Variants in RTTN observed in about 807,000 individuals in gnomAD.
The protein encoded by RTTN is rotatin.
In RTTN, 182 loss-of-function variants were observed where a neutral mutation model predicts 269.2. The observed-to-expected ratio is 0.68, with a 90% CI of 0.60 to 0.76. The LOEUF (loss-of-function observed/expected upper bound fraction) is 0.76, where lower values mean the gene tolerates loss of function less well. Ranked by LOEUF, RTTN falls within the 30% of genes least tolerant of loss-of-function variation. RTTN has a pLI of 0.00. For missense variants in RTTN, 2,545 were observed against 2,608.6 expected (o/e 0.98, Z 0.53); for synonymous variants, 1,006 against 963.5 (o/e 1.04, Z -0.82).
intron 25 of RTTN, among the ~76,000 whole-genome samples, chr18:70,125,548 A>AT (rs1307020278): frequency 2.6e-5 from 4 of 152,048 alleles, no homozygotes; most frequent in Non-Finnish European, 4.4e-5. Context: ...AAATAACATT[A>AT]TTTTTAAAAT....
intron 32 of RTTN, among the ~76,000 whole-genome samples, chr18:70,076,669 G>A (rs957402750): frequency 1.3e-5 from 2 of 151,846 alleles, no homozygotes; most frequent in Non-Finnish European, 2.9e-5. Flanking sequence ...GAGCTTACTC[G>A]TCCTAAACAG....
chr18:70,055,056 T>C (rs1350445246), intron 37 of RTTN, among the ~76,000 whole-genome samples: 1 of 152,200 alleles, frequency 6.6e-6, no homozygotes, highest in African/African-American at 2.4e-5. Context: ...TTACTATTAT[T>C]AATTATAAAA....
chr18:70,140,797 G>C (rs2060236901), intron 19 of RTTN, among the ~76,000 whole-genome samples: 1 of 152,038 alleles, frequency 6.6e-6, no homozygotes, highest in African/African-American at 2.4e-5. Context: ...TATATGTATA[G>C]ACATGTGCAC....
At chr18:70,066,048 A>T in intron 34 of RTTN, 126 bp from the exon 35 acceptor site, 1 of 500,844 alleles carries the variant, frequency 2.0e-6, no homozygotes, top group Non-Finnish European at 3.4e-6. Flanking sequence ...TAGGATAACT[A>T]GAAAAGATTC....
Position 70,193,289 on chromosome 18 carries a change from T to G in RTTN, c.1006A>C (p.Ser336Arg). 1 of 1,609,666 alleles carries G rather than the reference T, an allele frequency of 6.2e-7. No individual in the cohort carries two copies. Among genetic ancestry groups the G allele is most frequent in the Non-Finnish European group, 8.5e-7 (1 of 1,177,846 alleles). ...CCCAGAGACACTGCTAGCAGTCACCTAGAGGACGCTGCATCCCAGTCCTGG... is the reference window on the plus strand; with the variant it reads ...CCCAGAGACACTGCTAGCAGTCACCGAGAGGACGCTGCATCCCAGTCCTGG... The part of the protein sequence containing the change: ...DGQDWDAASS[S>R]GSSSHAHVNS... The change falls in exon 8 of 49, where the codon AGT (serine) becomes CGT (arginine). Residue 336 changes from serine (S) to arginine (R), a missense_variant and splice_region_variant. Transcript: ENST00000640769.
At chr18:70,104,830 A>C (rs1238828990) in intron 28 of RTTN, among the ~76,000 whole-genome samples, 2 of 150,324 alleles carry the variant, frequency 1.3e-5, no homozygotes, top group Admixed American at 1.3e-4. Flanking sequence ...AGAACAGCAA[A>C]TGTTGCTGCC....
chr18:70,020,441 G>A (rs1398170807), intron 45 of RTTN, among the ~76,000 whole-genome samples, 174 bp downstream of exon 45: 2 of 152,170 alleles, frequency 1.3e-5, no homozygotes, highest in East Asian at 1.9e-4. Flanking sequence ...CCTTCTGCAC[G>A]TGTCATCTAT....
At chr18:70,061,510 G>A in intron 35 of RTTN, 1 of 435,102 alleles carries the variant, frequency 2.3e-6, no homozygotes, top group Admixed American at 2.5e-5. Flanking sequence ...ATATACGTAT[G>A]CATGCACATA....
chr18:70,109,585 G>A lies in RTTN; in HGVS notation c.3816C>T (p.Asn1272=). The A allele has an allele frequency of 6.2e-7, 1 of 1,614,050 alleles. No homozygotes were observed. The highest frequency in any genetic ancestry group is 8.5e-7 in the Non-Finnish European group (1 of 1,180,010). The change falls in exon 28 of 49, where the codon AAC becomes AAT. Residue 1272 remains asparagine (N), a synonymous_variant. Coordinates refer to ENST00000640769, the MANE Select transcript of RTTN (RefSeq NM_173630.4). ...SLERTLRGMA[N]LTAFPGWSSH... ...AGCTCCATCCCGGAAACGCAGTGAG[G>A]TTAGCCATCCCTCGTAAGGTCCGCT...
intron 14 of RTTN, among the ~76,000 whole-genome samples, chr18:70,154,580 C>T (rs1293608739): frequency 6.6e-6 from 1 of 152,130 alleles, no homozygotes; most frequent in Non-Finnish European, 1.5e-5. Context: ...CCTCTAAAAT[C>T]ATAAATGTAG....
At chr18:70,204,341 A>G in intron 2 of RTTN, 78 bp from the exon 3 acceptor site, 1 of 1,357,294 alleles carries the variant, frequency 7.4e-7, no homozygotes, top group Non-Finnish European at 1.0e-6. Flanking sequence ...ACATAAAATT[A>G]TTTTTGGTAT....
chr18:70,093,832 G>C (rs182906071), intron 28 of RTTN, among the ~76,000 whole-genome samples: 1,759 of 151,556 alleles, frequency 0.012, 17 homozygotes, highest in Non-Finnish European at 0.019. Context: ...AGTTACGGAG[G>C]ATTCCCTCTT....
At chr18:70,050,272 C>T (rs1207141217) in intron 39 of RTTN, among the ~76,000 whole-genome samples, 1 of 152,106 alleles carries the variant, frequency 6.6e-6, no homozygotes, top group Non-Finnish European at 1.5e-5. Context: ...AGGATACGAA[C>T]AGACACTTCT....
chr18:70,188,400 T>C (rs1196649559), intron 9 of RTTN, among the ~76,000 whole-genome samples, 177 bp from the exon 10 acceptor site: 2 of 152,242 alleles, frequency 1.3e-5, no homozygotes, highest in East Asian at 3.8e-4. Flanking sequence ...AAGGCTTCTG[T>C]TCCAGTCACA....
chr18:70,107,902 T>C (rs986292072), intron 28 of RTTN, among the ~76,000 whole-genome samples: 3 of 152,326 alleles, frequency 2.0e-5, no homozygotes, highest in Admixed American at 2.0e-4. Flanking sequence ...GATAAAAAGT[T>C]TTTAAGTTCT....
intron 40 of RTTN, among the ~76,000 whole-genome samples, chr18:70,037,620 T>C (rs973478131): frequency 6.6e-6 from 1 of 152,198 alleles, no homozygotes; most frequent in African/African-American, 2.4e-5. Flanking sequence ...AATATCCAGA[T>C]AGTACACCAC....
chr18:70,169,888 G>A (rs1456005637), intron 11 of RTTN, among the ~76,000 whole-genome samples: 2 of 152,160 alleles, frequency 1.3e-5, no homozygotes, highest in Non-Finnish European at 2.9e-5. Context: ...ACAAAAGTGG[G>A]TTTGGTCATG....
chr18:70,062,180 T>G (rs2058006975), intron 35 of RTTN, among the ~76,000 whole-genome samples: 1 of 152,228 alleles, frequency 6.6e-6, no homozygotes, highest in Non-Finnish European at 1.5e-5. Context: ...TTCAATGCTA[T>G]TCATGTGAAA....
Position 70,059,837 on chromosome 18 carries a change from AT to A in RTTN, c.4940+12del. Reference sequence around the variant, plus strand: ...TCAACTAACATGCCTCTCTAGGAGTATTTATCTCTTACCTACAGAGAAGTTC... The same window carrying A: ...TCAACTAACATGCCTCTCTAGGAGTATTATCTCTTACCTACAGAGAAGTTC... On this transcript the variant is annotated intron_variant, in intron 36 of 48. Transcript: ENST00000640769. The A allele has an allele frequency of 1.3e-6, 2 of 1,559,626 alleles. No individual in the cohort carries two copies. Among genetic ancestry groups the A allele is most frequent in the Non-Finnish European group, 1.7e-6 (2 of 1,147,442 alleles).
Sources: gnomAD v4.1 joint callset for allele counts (sites outside exome capture counted in the v4.1 genomes callset) on GRCh38, gnomAD v4.1.1 for gene constraint, MANE v1.5 for transcripts, NCBI Gene and HGNC (gene_info 2026-07-23, HGNC 2026-07-21) for gene names.